The following ADGRB3 variants were observed in gnomAD, a reference collection of about 807,000 sequenced individuals.
The protein encoded by ADGRB3 is adhesion G protein-coupled receptor B3.
A neutral mutation model predicts 193.4 loss-of-function variants in ADGRB3; 37 were observed. The ratio of observed to expected loss-of-function variants is 0.19; its 90% CI spans 0.15 to 0.25. The LOEUF (loss-of-function observed/expected upper bound fraction) is 0.25, where lower values mean the gene tolerates loss of function less well. Ranked by LOEUF, ADGRB3 falls within the 10% of genes least tolerant of loss-of-function variation. The pLI, the probability that ADGRB3 is intolerant of heterozygous loss-of-function variation, is 1.00. For synonymous variants in ADGRB3, 690 were observed against 644.2 expected (o/e 1.07, Z -1.08); for missense variants, 1,637 against 1,852.9 (o/e 0.88, Z 2.14).
intron 19 of ADGRB3, among the ~76,000 whole-genome samples, chr6:69,237,812 G>C (rs1169162377): frequency 6.6e-6 from 1 of 151,966 alleles, no homozygotes. Flanking sequence ...CCACAAAAAA[G>C]AGACAATTAA....
intron 11 of ADGRB3, among the ~76,000 whole-genome samples, chr6:69,009,664 C>T (rs1182082830): frequency 2.0e-5 from 3 of 152,110 alleles, no homozygotes. Context: ...ATCCCTGCTT[C>T]CTTGTTTGTT....
chr6:69,164,830 G>A (rs920986584), intron 17 of ADGRB3, among the ~76,000 whole-genome samples: 1 of 152,072 alleles, frequency 6.6e-6, no homozygotes, highest in Non-Finnish European at 1.5e-5. Context: ...TCCATTGTCT[G>A]TTTTCTCTAT....
chr6:68,783,860 G>C (rs984535584), intron 3 of ADGRB3, among the ~76,000 whole-genome samples: 1 of 152,028 alleles, frequency 6.6e-6, no homozygotes, highest in Non-Finnish European at 1.5e-5. Context: ...ATGAATGCCA[G>C]AAGGATGCCC....
chr6:69,133,678 C>CTTT (rs57634617), intron 17 of ADGRB3, among the ~76,000 whole-genome samples: 4,953 of 150,650 alleles, frequency 0.033, 100 homozygotes, highest in Middle Eastern at 0.055. Context: ...AAGAAAATTT[C>CTTT]TTTTTTTTTC....
At chr6:68,781,881 A>G (rs1766860368) in intron 3 of ADGRB3, among the ~76,000 whole-genome samples, 1 of 152,102 alleles carries the variant, frequency 6.6e-6, no homozygotes, top group Non-Finnish European at 1.5e-5. Context: ...GTGTACCACC[A>G]TAGGGTATTA....
intron 17 of ADGRB3, among the ~76,000 whole-genome samples, chr6:69,227,812 G>A (rs1244232911): frequency 6.6e-6 from 1 of 152,132 alleles, no homozygotes; most frequent in Non-Finnish European, 1.5e-5. Context: ...GATGTTTGAA[G>A]ACTGTAGCAA....
chr6:69,150,487 G>A (rs1272398733), intron 17 of ADGRB3, among the ~76,000 whole-genome samples: 1 of 152,042 alleles, frequency 6.6e-6, no homozygotes, highest in Non-Finnish European at 1.5e-5. Context: ...TCCAGGCCTG[G>A]GACTCATCTT....
chr6:68,952,163 TC>T (rs1195154623), intron 6 of ADGRB3, among the ~76,000 whole-genome samples: 1 of 152,162 alleles, frequency 6.6e-6, no homozygotes, highest in Non-Finnish European at 1.5e-5. Context: ...TCTATTTTTT[TC>T]TCATTCAGTA....
intron 3 of ADGRB3, among the ~76,000 whole-genome samples, chr6:68,719,043 C>T (rs1450858152): frequency 6.6e-6 from 1 of 151,738 alleles, no homozygotes; most frequent in Non-Finnish European, 1.5e-5. Context: ...TATGTACTAG[C>T]ACTTAATAGA....
intron 3 of ADGRB3, among the ~76,000 whole-genome samples, chr6:68,724,265 G>T (rs1384255316): frequency 7.3e-5 from 11 of 151,598 alleles, no homozygotes; most frequent in Non-Finnish European, 1.3e-4. Context: ...TAGCCATATT[G>T]CACAGATGCC....
At chr6:68,694,065 T>C (rs1425577626) in intron 3 of ADGRB3, among the ~76,000 whole-genome samples, 7 of 152,038 alleles carry the variant, frequency 4.6e-5, no homozygotes. Context: ...CATTCTGAAC[T>C]TATGATATCA....
intron 17 of ADGRB3, among the ~76,000 whole-genome samples, chr6:69,077,704 C>T (rs1343711048): frequency 6.6e-6 from 1 of 151,976 alleles, no homozygotes; most frequent in East Asian, 1.9e-4. Context: ...TGACATGACT[C>T]TTATCTGTCA....
intron 17 of ADGRB3, among the ~76,000 whole-genome samples, chr6:69,225,898 T>C (rs1766002912): frequency 6.6e-6 from 1 of 152,344 alleles, no homozygotes; most frequent in Admixed American, 6.5e-5. Flanking sequence ...GCCTGTTGAC[T>C]AATTAATGAT....
intron 3 of ADGRB3, among the ~76,000 whole-genome samples, chr6:68,914,773 A>G: frequency 6.6e-6 from 1 of 152,252 alleles, no homozygotes; most frequent in East Asian, 1.9e-4. Context: ...GAGAGGAAGC[A>G]GTATGATACC....
At chr6:68,954,829 C>T (rs531793568) in intron 6 of ADGRB3, among the ~76,000 whole-genome samples, 7 of 151,916 alleles carry the variant, frequency 4.6e-5, no homozygotes, top group Admixed American at 3.3e-4. Flanking sequence ...TACAGGCGCC[C>T]GCCACCATAC....
At chr6:68,897,984 A>G (rs904856002) in intron 3 of ADGRB3, among the ~76,000 whole-genome samples, 1 of 147,634 alleles carries the variant, frequency 6.8e-6, no homozygotes, top group African/African-American at 2.5e-5. Context: ...ATAATATTAC[A>G]TATTATATAT....
rs148278852 is a variant in ADGRB3 at position 69,382,910 on chromosome 6, G to A, written c.4355G>A (p.Arg1452Gln). Residue 1452 changes from arginine to glutamine, a missense_variant, in exon 31 of 32, where the codon CGG becomes CAG. Transcript: ENST00000370598. ...AAATTTCAAACTTTGGACAGATTTC[G>A]GGATATACCAAATACAAGCAGTATG... is the stretch of plus-strand genomic sequence containing the variant. ...NQKFQTLDRF[R>Q]DIPNTSSMEN... is the part of the protein sequence containing the mutation. 17 of 1,606,684 alleles carry A rather than the reference G, an allele frequency of 1.1e-5. No individual in the cohort carries two copies. The highest frequency in any genetic ancestry group is 1.4e-5 in the Non-Finnish European group (16 of 1,175,470).
intron 3 of ADGRB3, among the ~76,000 whole-genome samples, chr6:68,647,739 C>T (rs2585627): frequency 0.58 from 88,700 of 151,888 alleles, 26,167 homozygotes; most frequent in African/African-American, 0.65. Context: ...AAATGATTTC[C>T]GACTATTTTA....
intron 17 of ADGRB3, among the ~76,000 whole-genome samples, chr6:69,124,802 C>G (rs2150331627): frequency 6.6e-6 from 1 of 152,068 alleles, no homozygotes; most frequent in East Asian, 1.9e-4. Context: ...ATGTGAAGTT[C>G]TTTTCTTCAC....
Sources: gnomAD v4.1 joint callset for allele counts (sites outside exome capture counted in the v4.1 genomes callset) on GRCh38, gnomAD v4.1.1 for gene constraint, MANE v1.5 for transcripts, NCBI Gene and HGNC (gene_info 2026-07-23, HGNC 2026-07-21) for gene names.